Variants in ACBD6 observed in about 807,000 individuals in gnomAD.
ACBD6 encodes the protein acyl-CoA binding domain containing 6.
Under a neutral mutation model 37.2 loss-of-function variants are expected in ACBD6, and 28 were observed. That is an observed-to-expected ratio of 0.75 (90% CI 0.56 to 1.03). The LOEUF (loss-of-function observed/expected upper bound fraction) is 1.03. Among genes scored for constraint, ACBD6 ranks in the 50% least tolerant of loss-of-function variants. The pLI, the probability that ACBD6 is intolerant of heterozygous loss-of-function variation, is 0.00. For missense variants in ACBD6, 340 were observed against 337.4 expected (o/e 1.01, Z -0.06); for synonymous variants, 113 against 126.8 (o/e 0.89, Z 0.73).
At chr1:180,273,795 G>T (rs1648837346) in intron 11 of ACBD6, 2 of 251,232 alleles carry the variant, frequency 8.0e-6, no homozygotes, top group Non-Finnish European at 1.6e-5. Flanking sequence ...TTCTCAGCTT[G>T]AAAGCTTTCA....
chr1:180,390,405 G>A (rs991683484), intron 6 of ACBD6, among the ~76,000 whole-genome samples: 22 of 151,074 alleles, frequency 1.5e-4, no homozygotes, highest in Admixed American at 1.1e-3. Flanking sequence ...GGTTACTGTA[G>A]CCTTGTAGTA....
At position 180,502,559 on chromosome 1, in the gene ACBD6, A is replaced by T; in HGVS notation, c.-293T>A. The T allele has an allele frequency of 4.5e-6, 2 of 448,956 alleles. No homozygotes were observed. Among genetic ancestry groups the T allele is most frequent in the Non-Finnish European group, 8.3e-6 (2 of 241,026 alleles). The allele number at this position is 448,956 out of a possible 1,614,324, so 27.8% of individuals were successfully genotyped here. ...GCTCGCCTCAGGCCCCTCCAACGGA[A>T]CAGGAGTCGAGGGGCAGTGAGGCCG... On this transcript the variant is annotated 5_prime_UTR_variant, in exon 1 of 8. Transcript: ENST00000367595.
At chr1:180,342,887 T>C (rs1652032541) in intron 6 of ACBD6, among the ~76,000 whole-genome samples, 1 of 152,078 alleles carries the variant, frequency 6.6e-6, no homozygotes, top group Non-Finnish European at 1.5e-5. Flanking sequence ...TTATATCAGC[T>C]AATTTTTCTA....
intron 3 of ACBD6, among the ~76,000 whole-genome samples, chr1:180,474,300 G>A (rs1426422184): frequency 6.6e-6 from 1 of 151,974 alleles, no homozygotes; most frequent in East Asian, 1.9e-4. Context: ...AAAATGAGAG[G>A]TATATTAGAA....
chr1:180,396,426 G>A (rs1654262148), intron 6 of ACBD6, among the ~76,000 whole-genome samples: 3 of 151,770 alleles, frequency 2.0e-5, no homozygotes, highest in Non-Finnish European at 4.4e-5. Context: ...TAAACAAAAG[G>A]AAAAAAGAGA....
At chr1:180,276,015 A>G (rs1449874564) in intron 9 of ACBD6, 1 of 152,222 alleles carries the variant, frequency 6.6e-6, no homozygotes, top group Non-Finnish European at 1.5e-5. Context: ...TTGTGCACCC[A>G]TCTACCATCA....
intron 3 of ACBD6, among the ~76,000 whole-genome samples, chr1:180,486,783 G>T (rs1477470107): frequency 6.6e-6 from 1 of 152,154 alleles, no homozygotes; most frequent in South Asian, 2.1e-4. Context: ...TCATAGTAAA[G>T]AAGTCTGGCA....
At chr1:180,346,028 T>C (rs1315838269) in intron 6 of ACBD6, among the ~76,000 whole-genome samples, 9 of 152,250 alleles carry the variant, frequency 5.9e-5, no homozygotes, top group Admixed American at 2.6e-4. Flanking sequence ...AGATCTGAAA[T>C]TCTGAAGCTA....
rs1273344935 is a variant in ACBD6 at position 180,502,168 on chromosome 1, G to A, written c.99C>T (p.Ser33=). The A allele has an allele frequency of 1.2e-6, 2 of 1,613,984 alleles. No individual in the cohort carries two copies. Among genetic ancestry groups the A allele is most frequent in the Admixed American group, 1.7e-5 (1 of 60,008 alleles). The change falls in exon 1 of 8, where the codon AGC becomes AGT. Residue 33 remains serine (S), a synonymous_variant. Coordinates refer to ENST00000367595, the MANE Select transcript of ACBD6 (RefSeq NM_032360.4). ...GGCAACTGGTCTCCTCGATCTCAGG[G>A]CTATGGGGGAACTCCACCTCCCCGG... ...DDSGEVEFPH[S]PEIEETSCLA...
intron 1 of ACBD6, among the ~76,000 whole-genome samples, chr1:180,500,592 G>A (rs955726111): frequency 2.6e-5 from 4 of 151,560 alleles, no homozygotes; most frequent in Non-Finnish European, 5.9e-5. Context: ...TACTCGGGAG[G>A]CTGGGACAGG....
chr1:180,427,050 A>G (rs1557865368), intron 4 of ACBD6, among the ~76,000 whole-genome samples: 1 of 152,228 alleles, frequency 6.6e-6, no homozygotes, highest in Non-Finnish European at 1.5e-5. Flanking sequence ...CTGACATTAT[A>G]TTGATACTTT....
rs977273099 is a variant in ACBD6, at chr1:180,391,950, C to T, written c.663+5566G>A. Among the ~76,000 whole-genome samples, 8 of 152,112 alleles carry T rather than the reference C, an allele frequency of 5.3e-5. No individual in the cohort carries two copies. The South Asian group carries it at 1.0e-3, about 20-fold the overall frequency. On this transcript the variant is annotated intron_variant, in intron 6 of 7. Coordinates refer to ENST00000367595, the MANE Select transcript of ACBD6 (RefSeq NM_032360.4). ...AACAGATAAAATCCTGGTATATACA[C>T]GCAATGAAATGTTATACAGCAATAA...
At chr1:180,416,879 A>T (rs1200861713) in intron 4 of ACBD6, among the ~76,000 whole-genome samples, 1 of 152,204 alleles carries the variant, frequency 6.6e-6, no homozygotes, top group Non-Finnish European at 1.5e-5. Context: ...TATAAAGTCC[A>T]TTTAACTACA....
At position 180,455,163 on chromosome 1, in the gene ACBD6, A is replaced by G. The variant is rs544386410; in HGVS notation, c.385-24901T>C. Among the ~76,000 whole-genome samples the G allele has an allele frequency of 1.7e-4, 26 of 152,346 alleles. No individual in the cohort carries two copies. In the South Asian group the frequency reaches 5.2e-3, roughly 30 times the overall value. The stretch of plus-strand genomic sequence containing the variant: ...AGACTGGATTAAGAAAATGTGGCAC[A>G]TATACACCATGGAATATTATGCAGC... On this transcript the variant is annotated intron_variant, in intron 3 of 7. Transcript: ENST00000367595.
At chr1:180,474,005 G>A (rs1407425241) in intron 3 of ACBD6, among the ~76,000 whole-genome samples, 1 of 151,938 alleles carries the variant, frequency 6.6e-6, no homozygotes, top group African/African-American at 2.4e-5. Context: ...TACATAATAG[G>A]GTTAAAATTA....
chr1:180,481,794 G>T (rs1651051270), intron 3 of ACBD6, among the ~76,000 whole-genome samples: 1 of 152,200 alleles, frequency 6.6e-6, no homozygotes, highest in African/African-American at 2.4e-5. Context: ...CTGGAAAAGA[G>T]AATTATAAGG....
chr1:180,414,951 A>G (rs901602151), intron 4 of ACBD6, among the ~76,000 whole-genome samples: 1 of 152,140 alleles, frequency 6.6e-6, no homozygotes, highest in Non-Finnish European at 1.5e-5. Flanking sequence ...TTTAACCACC[A>G]TTAAAAACAC....
At chr1:180,477,422 T>C (rs1650840738) in intron 3 of ACBD6, among the ~76,000 whole-genome samples, 1 of 152,212 alleles carries the variant, frequency 6.6e-6, no homozygotes, top group African/African-American at 2.4e-5. Context: ...ATAAAGTCAG[T>C]AGGATAGACC....
chr1:180,281,878 G>A (rs551125543), intron 8 of ACBD6, among the ~76,000 whole-genome samples: 1 of 152,292 alleles, frequency 6.6e-6, no homozygotes, highest in African/African-American at 2.4e-5. Flanking sequence ...ATTAAATAAA[G>A]GTCTTTTAAA....
Sources: gnomAD v4.1 joint callset for allele counts (sites outside exome capture counted in the v4.1 genomes callset) on GRCh38, gnomAD v4.1.1 for gene constraint, MANE v1.5 for transcripts, NCBI Gene and HGNC (gene_info 2026-07-23, HGNC 2026-07-21) for gene names.